The following SLC4A5 variants were observed in gnomAD, a reference collection of about 807,000 sequenced individuals.
The protein encoded by SLC4A5 is solute carrier family 4 member 5.
In SLC4A5, 96 loss-of-function variants were observed where a neutral mutation model predicts 120.4. The ratio of observed to expected loss-of-function variants is 0.80; its 90% CI spans 0.68 to 0.94. SLC4A5 has a LOEUF of 0.94. SLC4A5 is among the 40% of genes least tolerant of loss of function. The pLI is 0.00. For missense variants in SLC4A5, 1,259 were observed against 1,459.5 expected, an observed-to-expected ratio of 0.86 and a Z score of 2.24; for synonymous variants, 550 against 571.1, an observed-to-expected ratio of 0.96 and a Z score of 0.53.
chr2:74,287,041 G>A (rs1672006765), intron 7 of SLC4A5, among the ~76,000 whole-genome samples: 2 of 152,038 alleles, frequency 1.3e-5, no homozygotes, highest in South Asian at 4.2e-4. Context: ...CACTCATATT[G>A]AAATTTTCAG....
chr2:74,232,036 G>T (rs1670106088), intron 24 of SLC4A5, among the ~76,000 whole-genome samples: 1 of 152,208 alleles, frequency 6.6e-6, no homozygotes, highest in South Asian at 2.1e-4. Context: ...CAGGGCCACA[G>T]ACTGGGGAGC....
At chr2:74,310,537 T>C (rs1487005195) in intron 6 of SLC4A5, among the ~76,000 whole-genome samples, 2 of 152,218 alleles carry the variant, frequency 1.3e-5, no homozygotes, top group Non-Finnish European at 2.9e-5. Flanking sequence ...TCAAATGCTT[T>C]TTCTGCATCT....
chr2:74,318,220 A>C (rs555397365), intron 5 of SLC4A5, among the ~76,000 whole-genome samples: 1 of 152,244 alleles, frequency 6.6e-6, no homozygotes, highest in Non-Finnish European at 1.5e-5. Context: ...AAAGAAAAAA[A>C]CAAATAACCC....
chr2:74,254,794 T>C, intron 13 of SLC4A5, 88 bp from the exon 14 acceptor site: 2 of 1,010,084 alleles, frequency 2.0e-6, no homozygotes, highest in South Asian at 1.3e-5. Context: ...GTGAAGAGAA[T>C]TCTCTGGCCC....
intron 8 of SLC4A5, among the ~76,000 whole-genome samples, chr2:74,284,947 A>T (rs919456583): frequency 6.6e-6 from 1 of 152,118 alleles, no homozygotes; most frequent in African/African-American, 2.4e-5. Flanking sequence ...TGTGCCTGGC[A>T]CACCTTCTCC....
At chr2:74,323,971 G>A (rs1673154660) in intron 5 of SLC4A5, among the ~76,000 whole-genome samples, 1 of 152,176 alleles carries the variant, frequency 6.6e-6, no homozygotes, top group Admixed American at 6.5e-5. Flanking sequence ...TGGAACTGTG[G>A]CATATGGAGG....
At position 74,220,718 on chromosome 2, in the gene SLC4A5, A is replaced by G. The variant is rs537736550; in HGVS notation, c.*33+716T>C. Among the ~76,000 whole-genome samples, 37 of 149,406 alleles carry G rather than the reference A, an allele frequency of 2.5e-4. 1 individual carries two copies. In the East Asian group the frequency reaches 2.8e-3, roughly 11 times the overall value. On this transcript the variant is annotated intron_variant, in intron 30 of 30. Transcript: ENST00000394019. ...TTTTTAGTAGAGACAGGGTTTCACC[A>G]TGTTAGCCAGGATGGTCTCCATCTC...
Position 74,342,834 on chromosome 2 carries a change from T to G in SLC4A5, c.-346-300A>C, listed in dbSNP as rs17009861. ...CAGAAAGCTTAGTTGAAGTGTGGAT[T>G]CTTATACAAGTCTCATGTTTTCTGG... On this transcript the variant is annotated intron_variant, in intron 1 of 30. Coordinates refer to ENST00000394019, the Ensembl canonical transcript of SLC4A5. Among the ~76,000 whole-genome samples, 1,049 of 152,248 alleles carry G rather than the reference T, an allele frequency of 6.9e-3. 19 individuals carry two copies. The highest frequency in any genetic ancestry group is 0.024 in the African/African-American group (1,008 of 41,528).
chr2:74,294,148 TC>T (rs967637725), intron 7 of SLC4A5, among the ~76,000 whole-genome samples: 6 of 151,968 alleles, frequency 3.9e-5, no homozygotes, highest in African/African-American at 1.5e-4. Flanking sequence ...ATGTTGGGGG[TC>T]AGGGGAGACT....
At chr2:74,342,261 T>C (rs1357883789) in intron 2 of SLC4A5, among the ~76,000 whole-genome samples, 197 bp downstream of exon 2, 1 of 152,250 alleles carries the variant, frequency 6.6e-6, no homozygotes, top group East Asian at 1.9e-4. Flanking sequence ...CCACCATCCC[T>C]ACTTCTAGTG....
chr2:74,254,878 G>A (rs536021049), intron 13 of SLC4A5, among the ~76,000 whole-genome samples, 172 bp from the exon 14 acceptor site: 11 of 151,198 alleles, frequency 7.3e-5, no homozygotes, highest in Admixed American at 6.6e-5. Flanking sequence ...GGAGTGCAGT[G>A]GCGCAATCTT....
At chr2:74,252,111 CTA>C in intron 16 of SLC4A5, 66 bp downstream of exon 16, 2 of 1,541,492 alleles carry the variant, frequency 1.3e-6, no homozygotes, top group Admixed American at 3.4e-5. Context: ...GGAAAAGTCC[CTA>C]GAGGGCAGCT....
At chr2:74,216,469 C>A (rs961591464) in exon 31 of SLC4A5, 14 of 152,216 alleles carry the variant, frequency 9.2e-5, no homozygotes, top group African/African-American at 2.9e-4. Context: ...CAGGTTTACT[C>A]TTGAATCCAT....
intron 16 of SLC4A5, among the ~76,000 whole-genome samples, 153 bp downstream of exon 16, chr2:74,252,026 C>G (rs1670806763): frequency 6.6e-6 from 1 of 152,112 alleles, no homozygotes; most frequent in African/African-American, 2.4e-5. Flanking sequence ...TTTGGGGATC[C>G]ATGATGGGGT....
chr2:74,252,385 T>C (rs777647787), exon 16 of SLC4A5: 15 of 1,612,018 alleles, frequency 9.3e-6, no homozygotes, highest in Admixed American at 5.0e-5. Flanking sequence ...AGAACACAGA[T>C]TTCCTGGAAG....
At chr2:74,249,998 G>A (rs1670741205) in intron 17 of SLC4A5, among the ~76,000 whole-genome samples, 1 of 152,192 alleles carries the variant, frequency 6.6e-6, no homozygotes, top group South Asian at 2.1e-4. Flanking sequence ...TTTAAAAAGT[G>A]TGGGGAGAAG....
chr2:74,312,553 T>C (rs1672839170), intron 6 of SLC4A5, among the ~76,000 whole-genome samples: 3 of 152,078 alleles, frequency 2.0e-5, no homozygotes, highest in Non-Finnish European at 4.4e-5. Flanking sequence ...TTAATGTAGG[T>C]TTCTTGTCAC....
chr2:74,259,977 G>A (rs1368220362), intron 11 of SLC4A5, among the ~76,000 whole-genome samples: 2 of 152,180 alleles, frequency 1.3e-5, no homozygotes, highest in Non-Finnish European at 2.9e-5. Flanking sequence ...TAGGAGGAGG[G>A]ACACAGACGC....
intron 7 of SLC4A5, among the ~76,000 whole-genome samples, chr2:74,291,615 C>T (rs373971325): frequency 2.0e-5 from 3 of 152,302 alleles, no homozygotes; most frequent in African/African-American, 7.2e-5. Context: ...ACCTGAGGCT[C>T]GAGGATCAAG....
Sources: allele counts gnomAD v4.1 joint callset (sites outside exome capture counted in the v4.1 genomes callset), GRCh38; gene constraint gnomAD v4.1.1; transcripts MANE v1.5; gene names NCBI Gene and HGNC (gene_info 2026-07-23, HGNC 2026-07-21).